PPP3CA: variants seen among roughly 807,000 people sequenced by gnomAD.
PPP3CA encodes the protein CAM-PRP catalytic subunit.
In PPP3CA, 14 loss-of-function variants were observed where a neutral mutation model predicts 66.5. That is an observed-to-expected ratio of 0.21 (90% CI 0.14 to 0.33). The LOEUF is 0.33. PPP3CA is among the 10% of genes least tolerant of loss of function. The probability of loss-of-function intolerance (pLI) is 1.00; values close to 1 mark genes in which losing one functional copy is unlikely to be tolerated. For synonymous variants in PPP3CA, 232 were observed against 226.2 expected, an observed-to-expected ratio of 1.03 and a Z score of -0.23; for missense variants, 317 against 639.5, an observed-to-expected ratio of 0.50 and a Z score of 5.44.
intron 3 of PPP3CA, among the ~76,000 whole-genome samples, chr4:101,102,030 A>G (rs1040921805): frequency 2.0e-5 from 3 of 152,198 alleles, no homozygotes; most frequent in Admixed American, 6.5e-5. Context: ...CTTAATTACC[A>G]TAGTTCTTTC....
intron 11 of PPP3CA, among the ~76,000 whole-genome samples, chr4:101,039,724 T>A (rs771508500): frequency 6.3e-5 from 9 of 143,512 alleles, no homozygotes; most frequent in Non-Finnish European, 1.2e-4. Flanking sequence ...TGAGAAAGAG[T>A]TGGGGCAAAA....
intron 2 of PPP3CA, among the ~76,000 whole-genome samples, chr4:101,151,622 A>T (rs1723141371): frequency 7.0e-6 from 1 of 142,580 alleles, no homozygotes. Context: ...GATAAAGAAT[A>T]TTCCCAAAAT....
chr4:101,221,572 C>T (rs1420948957), intron 1 of PPP3CA, among the ~76,000 whole-genome samples: 1 of 151,154 alleles, frequency 6.6e-6, no homozygotes, highest in South Asian at 2.1e-4. Flanking sequence ...CGCTAAAAAA[C>T]AAAACAAAAC....
intron 2 of PPP3CA, among the ~76,000 whole-genome samples, chr4:101,155,136 T>A (rs1723277568): frequency 1.3e-5 from 2 of 152,146 alleles, no homozygotes; most frequent in South Asian, 4.2e-4. Flanking sequence ...ATTTTAAGAT[T>A]TCACTGGACT....
intron 2 of PPP3CA, among the ~76,000 whole-genome samples, chr4:101,137,031 CA>C (rs1274304329): frequency 4.6e-5 from 7 of 152,008 alleles, no homozygotes; most frequent in Non-Finnish European, 8.8e-5. Flanking sequence ...GAGAACCAGG[CA>C]AATTTCATAG....
rs147059252 is a variant in PPP3CA at position 101,207,680 on chromosome 4, G to C, written c.59-11564C>G. Among the ~76,000 whole-genome samples the C allele has an allele frequency of 3.9e-4, 60 of 152,054 alleles. 1 individual carries two copies. The highest frequency in any genetic ancestry group is 1.4e-3 in the African/African-American group (60 of 41,382). The stretch of plus-strand genomic sequence containing the variant: ...CGTCTCTACCAAAAATACAAAAGCA[G>C]CCAGGCATGCTGGCAGGCGCCTGTA... On this transcript the variant is annotated intron_variant, in intron 1 of 13. Transcript: ENST00000394854.
chr4:101,340,243 C>T (rs953243490), intron 1 of PPP3CA, among the ~76,000 whole-genome samples: 1 of 152,052 alleles, frequency 6.6e-6, no homozygotes, highest in Non-Finnish European at 1.5e-5. Flanking sequence ...GACAGGTAGA[C>T]CATTTTTTAA....
chr4:101,265,096 T>G (rs1727130088), intron 1 of PPP3CA, among the ~76,000 whole-genome samples: 1 of 152,140 alleles, frequency 6.6e-6, no homozygotes, highest in African/African-American at 2.4e-5. Context: ...TATTGTAGGT[T>G]ATAATTTGTT....
At chr4:101,220,009 G>T (rs1226382374) in intron 1 of PPP3CA, among the ~76,000 whole-genome samples, 2 of 151,724 alleles carry the variant, frequency 1.3e-5, no homozygotes, top group African/African-American at 4.8e-5. Flanking sequence ...ACACGCTCTG[G>T]TTTCTTGCAC....
chr4:101,080,830 C>T (rs115584436), intron 7 of PPP3CA, among the ~76,000 whole-genome samples: 7,944 of 152,074 alleles, frequency 0.052, 748 homozygotes, highest in African/African-American at 0.18. Flanking sequence ...TGAAAACATA[C>T]ATTCATATGT....
chr4:101,060,134 C>G (rs1198004876), intron 10 of PPP3CA, among the ~76,000 whole-genome samples: 1 of 152,114 alleles, frequency 6.6e-6, no homozygotes, highest in African/African-American at 2.4e-5. Context: ...GTCACCCAGG[C>G]TGGAGTACTG....
intron 6 of PPP3CA, among the ~76,000 whole-genome samples, chr4:101,089,175 C>T (rs1578435263): frequency 6.6e-6 from 1 of 151,886 alleles, no homozygotes; most frequent in Non-Finnish European, 1.5e-5. Flanking sequence ...TTACAGTTTA[C>T]AGTGAATCTA....
intron 1 of PPP3CA, among the ~76,000 whole-genome samples, chr4:101,302,477 A>G (rs1330614353): frequency 6.6e-6 from 1 of 152,246 alleles, no homozygotes; most frequent in East Asian, 1.9e-4. Context: ...ATAGCATTCA[A>G]TAATAAGACA....
At chr4:101,265,058 T>C (rs1222137990) in intron 1 of PPP3CA, among the ~76,000 whole-genome samples, 1 of 152,202 alleles carries the variant, frequency 6.6e-6, no homozygotes, top group Non-Finnish European at 1.5e-5. Flanking sequence ...TACCACTATA[T>C]CCATAAGAAT....
At chr4:101,269,687 C>G (rs1174542705) in intron 1 of PPP3CA, among the ~76,000 whole-genome samples, 1 of 151,756 alleles carries the variant, frequency 6.6e-6, no homozygotes, top group East Asian at 1.9e-4. Context: ...CACAGGCATC[C>G]TGTAGTAATA....
intron 1 of PPP3CA, chr4:101,330,396 A>C: frequency 1.9e-6 from 1 of 531,868 alleles, no homozygotes; most frequent in South Asian, 1.4e-5. Context: ...CTTGAGAAGC[A>C]ACTCAAAGGA....
At chr4:101,315,063 T>G (rs551128307) in intron 1 of PPP3CA, among the ~76,000 whole-genome samples, 3 of 152,266 alleles carry the variant, frequency 2.0e-5, no homozygotes, top group Admixed American at 2.0e-4. Flanking sequence ...TAATACTCAA[T>G]CTGATCGTAT....
At chr4:101,139,233 G>C (rs556784395) in intron 2 of PPP3CA, among the ~76,000 whole-genome samples, 1 of 151,794 alleles carries the variant, frequency 6.6e-6, no homozygotes, top group Admixed American at 6.6e-5. Flanking sequence ...TGTAGTCCCA[G>C]CTACTAGGGA....
chr4:101,101,415 C>G (rs1379978499), intron 3 of PPP3CA, among the ~76,000 whole-genome samples: 1 of 151,998 alleles, frequency 6.6e-6, no homozygotes, highest in African/African-American at 2.4e-5. Flanking sequence ...AGGACTGTCC[C>G]CAATTTAAAA....
Sources: gnomAD v4.1 joint callset for allele counts (sites outside exome capture counted in the v4.1 genomes callset) on GRCh38, gnomAD v4.1.1 for gene constraint, MANE v1.5 for transcripts, NCBI Gene and HGNC (gene_info 2026-07-23, HGNC 2026-07-21) for gene names.